Variants in KMT2C observed in about 807,000 individuals in gnomAD.
KMT2C encodes the protein lysine methyltransferase 2C, also known as histone-lysine N-methyltransferase 2C.
Under a neutral mutation model 507.9 loss-of-function variants are expected in KMT2C, and 88 were observed. The ratio of observed to expected loss-of-function variants is 0.17; its 90% CI spans 0.15 to 0.21. KMT2C has a LOEUF of 0.21. Among genes scored for constraint, KMT2C ranks in the 10% least tolerant of loss-of-function variants. The pLI is 1.00. For missense variants in KMT2C, 4,954 were observed against 5,957.8 expected (o/e 0.83, Z 5.55); for synonymous variants, 2,049 against 2,080.8 (o/e 0.98, Z 0.42).
intron 23 of KMT2C, among the ~76,000 whole-genome samples, chr7:152,208,882 T>C (rs1296974796): frequency 1.3e-5 from 2 of 152,126 alleles, no homozygotes; most frequent in Admixed American, 6.5e-5. Context: ...GAAAAGTTTA[T>C]AGGCCAGGCA....
chr7:152,203,986 G>A (rs578149731), intron 25 of KMT2C, among the ~76,000 whole-genome samples: 3 of 152,266 alleles, frequency 2.0e-5, no homozygotes, highest in African/African-American at 7.2e-5. Flanking sequence ...GCATTGCGAG[G>A]AATAGGGAAT....
intron 6 of KMT2C, among the ~76,000 whole-genome samples, chr7:152,278,305 G>C (rs544238335): frequency 6.3e-4 from 96 of 151,754 alleles, no homozygotes; most frequent in African/African-American, 2.2e-3. Context: ...TTTTGAGACA[G>C]AGTTTCACTC....
intron 6 of KMT2C, among the ~76,000 whole-genome samples, chr7:152,296,849 T>C (rs1425924858): frequency 6.6e-6 from 1 of 151,538 alleles, no homozygotes; most frequent in Non-Finnish European, 1.5e-5. Context: ...CCATAAAAAA[T>C]GAAGACATGG....
chr7:152,187,498 T>C (rs766239018), intron 32 of KMT2C, 22 bp from the exon 33 acceptor site: 1 of 1,584,920 alleles, frequency 6.3e-7, no homozygotes, highest in Non-Finnish European at 8.7e-7. Context: ...TAAATATCTT[T>C]ACTTTATGAA....
At position 152,205,251 on chromosome 7, in the gene KMT2C, C is replaced by T. The variant is rs779661571; in HGVS notation, c.3842-26G>A. ...CTATCCAAAAAAGAAATTAGGTAAACTGATAAGTAATTTCTCCCTACATTT... is the reference window on the plus strand; with the variant it reads ...CTATCCAAAAAAGAAATTAGGTAAATTGATAAGTAATTTCTCCCTACATTT... On this transcript the variant is annotated intron_variant, in intron 24 of 58. Coordinates refer to ENST00000262189, the MANE Select transcript of KMT2C (RefSeq NM_170606.3). 3 of 1,603,200 alleles carry T rather than the reference C, an allele frequency of 1.9e-6. No individual in the cohort carries two copies. In the Admixed American group the frequency reaches 5.0e-5, roughly 27 times the overall value.
rs140279832 is a variant in KMT2C, at chr7:152,252,028, T to G, written c.1532A>C (p.Glu511Ala). 1 of 1,612,866 alleles carries G rather than the reference T, an allele frequency of 6.2e-7. No homozygotes were observed. Among genetic ancestry groups the G allele is most frequent in the Non-Finnish European group, 8.5e-7 (1 of 1,179,334 alleles). ...DHELDTQLKE[E>A]YICMYCKHLG... ...GTGTTTACAATACATGCAGATATAC[T>G]CTTCTTTGAGCTGAGTATCCAGTTC... Residue 511 changes from glutamate to alanine, a missense_variant, in exon 11 of 59, where the codon GAG (glutamate) becomes GCG (alanine). Around this residue, in one of 29 missense-constraint regions of KMT2C, gnomAD observed 376 missense variants for 352.4 expected, o/e 1.07. Transcript: ENST00000262189.
intron 2 of KMT2C, among the ~76,000 whole-genome samples, chr7:152,352,549 G>A (rs558488821): frequency 3.7e-4 from 57 of 152,172 alleles, no homozygotes; most frequent in African/African-American, 5.1e-4. Context: ...TGTCTCCCCC[G>A]GATGCCCAGC....
At chr7:152,234,701 G>A (rs2095227628) in intron 16 of KMT2C, among the ~76,000 whole-genome samples, 1 of 152,102 alleles carries the variant, frequency 6.6e-6, no homozygotes, top group Admixed American at 6.5e-5. Flanking sequence ...AGAAGTTTGA[G>A]ACCAGCCTGG....
Position 152,180,937 on chromosome 7 carries a change from G to C in KMT2C, c.6923C>G (p.Ser2308Cys), listed in dbSNP as rs577893213. 5.0e-6 allele frequency: 8 copies of C among 1,614,194 alleles called. No individual in the cohort carries two copies. In the East Asian group the frequency reaches 1.3e-4, roughly 27 times the overall value. ...PYDQSPMTPR[S>C]QSDSFGTSQT... ...ACTTGTTCCAAAAGAGTCAGACTGA[G>C]ATCTTGGAGTCATTGGAGACTGATC... Residue 2308 changes from serine (S) to cysteine (C), a missense_variant, in exon 36 of 59, where the codon TCT becomes TGT. Ser to Cys is a moderately radical substitution (Grantham distance 112, BLOSUM62 -1). Coordinates refer to ENST00000262189, the MANE Select transcript of KMT2C (RefSeq NM_170606.3).
At chr7:152,261,974 C>T (rs1017750735) in intron 9 of KMT2C, among the ~76,000 whole-genome samples, 1 of 152,014 alleles carries the variant, frequency 6.6e-6, no homozygotes, top group African/African-American at 2.4e-5. Context: ...CTCTTTTTCC[C>T]CCCAGGAGAG....
intron 36 of KMT2C, 83 bp downstream of exon 36, chr7:152,180,628 C>T (rs1025771028): frequency 1.9e-6 from 2 of 1,038,970 alleles, no homozygotes; most frequent in Non-Finnish European, 2.8e-6. Flanking sequence ...ACATTAACTC[C>T]TGTGTAGAAA....
At position 152,330,755 on chromosome 7, in the gene KMT2C, CAAGAG is replaced by C; in HGVS notation, c.251-21_251-17del. On this transcript the variant is annotated splice_polypyrimidine_tract_variant and intron_variant, in intron 2 of 58. Transcript: ENST00000262189. ...TCTTTGATTTCTGCTTAACAGTAAACAAGAGAAAACAAAGAGTCATTTTTGTGTTT... is the reference window on the plus strand; with the variant it reads ...TCTTTGATTTCTGCTTAACAGTAAACAAAACAAAGAGTCATTTTTGTGTTT... 1 of 1,610,944 alleles carries C rather than the reference CAAGAG, an allele frequency of 6.2e-7. No individual in the cohort carries two copies. The highest frequency in any genetic ancestry group is 1.1e-5 in the South Asian group (1 of 91,038).
chr7:152,337,596 C>T (rs941154730), intron 2 of KMT2C, among the ~76,000 whole-genome samples: 7 of 152,152 alleles, frequency 4.6e-5, no homozygotes, highest in African/African-American at 1.7e-4. Flanking sequence ...TGCATTCTAG[C>T]TCTGCCATCT....
At chr7:152,432,225 C>T (rs2097869169) in intron 1 of KMT2C, among the ~76,000 whole-genome samples, 3 of 152,176 alleles carry the variant, frequency 2.0e-5, no homozygotes, top group African/African-American at 7.2e-5. Flanking sequence ...TCCCCCACAC[C>T]CACACCCATT....
At chr7:152,308,793 A>G (rs1219116293) in intron 6 of KMT2C, among the ~76,000 whole-genome samples, 1 of 151,794 alleles carries the variant, frequency 6.6e-6, no homozygotes, top group Non-Finnish European at 1.5e-5. Context: ...GGAGTTTGAG[A>G]CCAGCCTGGG....
At chr7:152,146,374 C>A (rs527496119) in intron 53 of KMT2C, among the ~76,000 whole-genome samples, 28 of 152,310 alleles carry the variant, frequency 1.8e-4, no homozygotes, top group Admixed American at 6.5e-4. Flanking sequence ...TTGCCTCCAG[C>A]CTGGAAGAGA....
intron 39 of KMT2C, among the ~76,000 whole-genome samples, chr7:152,172,819 C>T (rs2093026916): frequency 6.6e-6 from 1 of 152,148 alleles, no homozygotes; most frequent in South Asian, 2.1e-4. Context: ...ATTTTCCTAT[C>T]GAGTGTTGCA....
intron 1 of KMT2C, among the ~76,000 whole-genome samples, chr7:152,396,374 T>C (rs1159817335): frequency 1.3e-5 from 2 of 152,222 alleles, no homozygotes; most frequent in East Asian, 3.8e-4. Flanking sequence ...ATAATAACAG[T>C]AATTACTTTT....
chr7:152,243,603 G>T (rs375037176), intron 14 of KMT2C, among the ~76,000 whole-genome samples: 2 of 152,044 alleles, frequency 1.3e-5, no homozygotes, highest in African/African-American at 4.8e-5. Context: ...CCAATATGGC[G>T]AAACACCGTC....
Sources: gnomAD v4.1 joint callset for allele counts (sites outside exome capture counted in the v4.1 genomes callset) on GRCh38, gnomAD v4.1.1 for gene constraint, gnomAD v4.1.1 regional missense constraint, MANE v1.5 for transcripts, NCBI Gene and HGNC (gene_info 2026-07-23, HGNC 2026-07-21) for gene names.